Variants in ADH1B observed in about 807,000 individuals in gnomAD.
ADH1B encodes all-trans-retinol dehydrogenase [NAD(+)] ADH1B.
ADH1B carries 29 observed loss-of-function variants against 34.6 expected under a neutral mutation model. The observed-to-expected ratio is 0.84, with a 90% CI of 0.62 to 1.14. ADH1B has a LOEUF of 1.14. ADH1B is among the 50% of genes most tolerant of loss of function. ADH1B has a pLI of 0.00. For synonymous variants in ADH1B, 170 were observed against 175.5 expected, an observed-to-expected ratio of 0.97 and a Z score of 0.25; for missense variants, 424 against 468.4, an observed-to-expected ratio of 0.91 and a Z score of 0.87.
chr4:99,321,106 T>C (rs1326349786), intron 1 of ADH1B, among the ~76,000 whole-genome samples: 1 of 152,238 alleles, frequency 6.6e-6, no homozygotes, highest in Non-Finnish European at 1.5e-5. Context: ...ACACAGGTTC[T>C]ATACATTCCT....
rs761102982 is a variant in ADH1B at position 99,318,843 on chromosome 4, G to A, written c.62C>T (p.Pro21Leu). 30 of 1,613,848 alleles carry A rather than the reference G, an allele frequency of 1.9e-5. No homozygotes were observed. Among genetic ancestry groups the A allele is most frequent in the Non-Finnish European group, 2.4e-5 (28 of 1,179,900 alleles). Residue 21 changes from proline to leucine, a missense_variant, in exon 2 of 9, where the codon CCC becomes CTC. By Grantham distance (98) the Pro-to-Leu change is moderately conservative (BLOSUM62 -3). Transcript: ENST00000305046. ...KAAVLWEVKK[P>L]FSIEDVEVAP... ...AACCTCCACATCCTCAATGGAAAAGGGTTTCTTTACCTCCCATAGCACAGC... is the reference window on the plus strand; with the variant it reads ...AACCTCCACATCCTCAATGGAAAAGAGTTTCTTTACCTCCCATAGCACAGC...
intron 1 of ADH1B, chr4:99,321,060 G>C (rs1471714340): frequency 1.7e-6 from 1 of 592,838 alleles, no homozygotes; most frequent in Admixed American, 4.0e-5. Context: ...TCATTTTACT[G>C]TAAATTTATT....
chr4:99,320,340 C>T (rs1733991147), intron 1 of ADH1B: 1 of 152,178 alleles, frequency 6.6e-6, no homozygotes, highest in Non-Finnish European at 1.5e-5. Context: ...GAATAACGTC[C>T]TCTAGCTCCA....
intron 2 of ADH1B, 123 bp downstream of exon 2, chr4:99,318,662 T>C (rs1050717154): frequency 9.5e-6 from 9 of 944,534 alleles, no homozygotes; most frequent in East Asian, 2.7e-5. Flanking sequence ...ACAACAAATG[T>C]AATTTTATCT....
chr4:99,313,402 CAT>C (rs1261961542), intron 6 of ADH1B: 2 of 183,434 alleles, frequency 1.1e-5, no homozygotes, highest in Non-Finnish European at 2.3e-5. Flanking sequence ...CAAATACTAA[CAT>C]GTTAAAAATC....
At chr4:99,308,874 G>A (rs1046620108) in intron 8 of ADH1B, among the ~76,000 whole-genome samples, 11 of 151,846 alleles carry the variant, frequency 7.2e-5, no homozygotes, top group African/African-American at 2.7e-4. Context: ...TTTTGATGAC[G>A]AGTTAATGGG....
intron 1 of ADH1B, 78 bp downstream of exon 1, chr4:99,321,236 T>G (rs1734018679): frequency 1.5e-6 from 2 of 1,295,162 alleles, no homozygotes; most frequent in South Asian, 1.2e-5. Flanking sequence ...AATTTTAAAT[T>G]ATTCATCAAA....
chr4:99,319,486 T>C (rs1192129755), intron 1 of ADH1B: 1 of 161,010 alleles, frequency 6.2e-6, no homozygotes, highest in African/African-American at 2.4e-5. Flanking sequence ...GCAGCCTGTT[T>C]TGTAATCTAA....
intron 8 of ADH1B, among the ~76,000 whole-genome samples, chr4:99,310,071 T>C (rs1458337175): frequency 6.6e-6 from 1 of 152,192 alleles, no homozygotes; most frequent in Non-Finnish European, 1.5e-5. Context: ...TTTCCAGTTG[T>C]GCCTCATGTA....
At chr4:99,320,628 T>G in intron 1 of ADH1B, 1 of 282,116 alleles carries the variant, frequency 3.5e-6, no homozygotes, top group African/African-American at 2.3e-5. Flanking sequence ...TGCTAAGTGA[T>G]TCAAATTGTA....
chr4:99,310,985 G>A, intron 7 of ADH1B, 82 bp from the exon 8 acceptor site: 1 of 1,522,360 alleles, frequency 6.6e-7, no homozygotes, highest in Admixed American at 2.0e-5. Flanking sequence ...ATAAATCAAA[G>A]TTTAGAAAAG....
chr4:99,319,730 A>C (rs1733978779), intron 1 of ADH1B: 1 of 152,194 alleles, frequency 6.6e-6, no homozygotes, highest in African/African-American at 2.4e-5. Flanking sequence ...GTACTGTAAA[A>C]CCCATCTTCG....
intron 1 of ADH1B, chr4:99,320,224 A>G (rs1388777282): frequency 2.6e-5 from 4 of 152,142 alleles, no homozygotes; most frequent in African/African-American, 9.7e-5. Context: ...CTCAGTCCCC[A>G]AAGTCCATTA....
In ADH1B at chr4:99,318,308, A is replaced by G. The variant is rs374599011; in HGVS notation, c.121-124T>C. 64 of 1,253,048 alleles carry G rather than the reference A, an allele frequency of 5.1e-5. No individual in the cohort carries two copies. In the South Asian group the frequency reaches 6.1e-4, roughly 12 times the overall value. 77.6% of individuals were successfully genotyped at this position (1,253,048 alleles called of 1,614,324 possible). On this transcript the variant is annotated intron_variant, in intron 2 of 8. Coordinates refer to ENST00000305046, the MANE Select transcript of ADH1B (RefSeq NM_000668.6). Reference sequence around the variant, plus strand: ...GAGGGTTTTGCTACTAATCCCTACTATTCCTAAATATGAAAGATTCAGTTT... The same window carrying G: ...GAGGGTTTTGCTACTAATCCCTACTGTTCCTAAATATGAAAGATTCAGTTT...
rs28913918 is a variant in ADH1B, at chr4:99,317,558, G to A, written c.259+488C>T. 1,201 of 152,776 alleles carry A rather than the reference G, an allele frequency of 7.9e-3. 16 individuals carry two copies. The highest frequency in any genetic ancestry group is 0.027 in the African/African-American group (1,137 of 41,566). The allele number at this position is 152,776 out of a possible 1,614,324, so 9.5% of individuals were successfully genotyped here. A position where few individuals can be genotyped will look rare whatever the true frequency, so the allele number is the denominator to read the frequency against. On this transcript the variant is annotated intron_variant, in intron 3 of 8. Coordinates refer to ENST00000305046, the MANE Select transcript of ADH1B (RefSeq NM_000668.6). Reference sequence around the variant, plus strand: ...CATGTTGGAAGAGGAAATTGGTGAAGGAGCTGCATAGGTCACCTAAGAAAA... The same window carrying A: ...CATGTTGGAAGAGGAAATTGGTGAAAGAGCTGCATAGGTCACCTAAGAAAA...
At chr4:99,317,853 A>G in intron 3 of ADH1B, 193 bp downstream of exon 3, 1 of 829,552 alleles carries the variant, frequency 1.2e-6, no homozygotes, top group Non-Finnish European at 1.9e-6. Context: ...GTTGAAGGGT[A>G]CAATACATGA....
chr4:99,320,546 A>G (rs541567293), intron 1 of ADH1B: 1 of 167,424 alleles, frequency 6.0e-6, no homozygotes, highest in South Asian at 1.5e-4. Flanking sequence ...GAATGACCAC[A>G]TGCACCTGTA....
rs1733732008 is a variant in ADH1B at position 99,310,769 on chromosome 4, T to G, written c.1099A>C (p.Lys367Gln). 1.2e-6 allele frequency: 2 copies of G among 1,608,328 alleles called. No individual in the cohort carries two copies. The highest frequency in any genetic ancestry group is 1.7e-6 in the Non-Finnish European group (2 of 1,178,520). Residue 367 changes from lysine (K) to glutamine (Q), a missense_variant, in exon 8 of 9, where the codon AAA (lysine) becomes CAA (glutamine). Physicochemically the swap from Lys to Gln is moderately conservative, Grantham distance 53. This residue lies in a region of ADH1B where 130 missense variants were observed against 151.8 expected (regional missense o/e 0.86). Transcript: ENST00000305046. ...NEGFDLLHSG[K>Q]SIRTVLTF ...GAAAACTAACTTAAAATCTACCTTT[T>G]CCCAGAGTGAAGCAGGTCAAATCCT...
In ADH1B at chr4:99,310,821, A is replaced by G. The variant is rs1006564405; in HGVS notation, c.1047T>C (p.His349=). The change falls in exon 8 of 9, where the codon CAT becomes CAC. Residue 349 remains histidine (H), a synonymous_variant. Transcript: ENST00000305046. ...KKFSLDALIT[H]VLPFEKINEG... is the part of the protein sequence containing the mutation. ...CATTTATTTTTTCAAAAGGTAAAAC[A>G]TGGGTTATTAACGCATCCAGTGAAA... 2 of 1,613,468 alleles carry G rather than the reference A, an allele frequency of 1.2e-6. No individual in the cohort carries two copies. The highest frequency in any genetic ancestry group is 1.7e-6 in the Non-Finnish European group (2 of 1,179,742).
Sources: allele counts gnomAD v4.1 joint callset (sites outside exome capture counted in the v4.1 genomes callset), GRCh38; gene constraint gnomAD v4.1.1; regional missense constraint gnomAD v4.1.1; transcripts MANE v1.5; gene names NCBI Gene and HGNC (gene_info 2026-07-23, HGNC 2026-07-21).